CNOT9: variants seen among roughly 807,000 people sequenced by gnomAD.
CNOT9 encodes the protein RCD1 required for cell differentiation1 homolog.
CNOT9 carries 8 observed loss-of-function variants against 37.4 expected under a neutral mutation model. That is an observed-to-expected ratio of 0.21 (90% confidence interval 0.13 to 0.39). The LOEUF (loss-of-function observed/expected upper bound fraction) is 0.39, where lower values mean the gene tolerates loss of function less well. CNOT9 is among the 10% of genes least tolerant of loss of function. The probability of loss-of-function intolerance (pLI) is 1.00; values close to 1 mark genes in which losing one functional copy is unlikely to be tolerated. For missense variants in CNOT9, 154 were observed against 365.3 expected (o/e 0.42, Z 4.71); for synonymous variants, 120 against 137.6 (o/e 0.87, Z 0.90).
chr2:218,572,390 C>G (rs1694029525), intron 1 of CNOT9, among the ~76,000 whole-genome samples: 1 of 151,922 alleles, frequency 6.6e-6, no homozygotes, highest in Non-Finnish European at 1.5e-5. Flanking sequence ...TGATATGTGA[C>G]TTGTTCCCAG....
At chr2:218,570,477 G>A (rs566190591) in intron 1 of CNOT9, among the ~76,000 whole-genome samples, 2 of 152,190 alleles carry the variant, frequency 1.3e-5, no homozygotes, top group Non-Finnish European at 2.9e-5. Context: ...ACTATTCAAT[G>A]TAGAGAGTAT....
chr2:218,574,249 T>A lies in CNOT9; in HGVS notation c.24+5271T>A. The A allele has an allele frequency of 2.3e-5, 5 of 213,512 alleles. No homozygotes were observed. The South Asian group carries it at 2.5e-4, about 11-fold the overall frequency. The allele number at this position is 213,512 out of a possible 1,614,324, so 13.2% of individuals were successfully genotyped here. A position where few individuals can be genotyped will look rare whatever the true frequency, so the allele number is the denominator to read the frequency against. ...GGGATTACAGGTGTGAACCTGTCTC[T>A]GTGCCTGGCCAGGACTGTTGACTTT... is the stretch of plus-strand genomic sequence containing the variant. On this transcript the variant is annotated intron_variant, in intron 1 of 7. Coordinates refer to ENST00000273064, the MANE Select transcript of CNOT9 (RefSeq NM_005444.3).
intron 1 of CNOT9, among the ~76,000 whole-genome samples, chr2:218,578,951 A>G (rs1694272132): frequency 6.6e-6 from 1 of 152,190 alleles, no homozygotes; most frequent in African/African-American, 2.4e-5. Context: ...TATTTCCTAC[A>G]TGAGTAAGTA....
In CNOT9 at chr2:218,592,718, A is replaced by G. The variant is rs754920360; in HGVS notation, c.731+11A>G. 6.3e-7 allele frequency: 1 copy of G among 1,593,816 alleles called. No individual in the cohort carries two copies. Among genetic ancestry groups the G allele is most frequent in the Non-Finnish European group, 8.6e-7 (1 of 1,161,358 alleles). On this transcript the variant is annotated intron_variant, in intron 7 of 7. Coordinates refer to ENST00000273064, the MANE Select transcript of CNOT9 (RefSeq NM_005444.3). This position sits in a 1 kb window ranked among gnomAD's most constrained non-coding sequence, Gnocchi z 4.1. ...TTCAGATAACCCCAGGTAAACATTT[A>G]TAGGATGTATAGGACTTTAGGGAAA...
intron 5 of CNOT9, among the ~76,000 whole-genome samples, chr2:218,589,727 T>C (rs1694712911): frequency 6.6e-6 from 1 of 152,218 alleles, no homozygotes. Context: ...ACTATAGCCT[T>C]GAACTCCGGG....
Position 218,594,264 on chromosome 2 carries a change from G to C in CNOT9, c.888G>C (p.Leu296=). 1 of 1,610,474 alleles carries C rather than the reference G, an allele frequency of 6.2e-7. No individual in the cohort carries two copies. The highest frequency in any genetic ancestry group is 8.5e-7 in the Non-Finnish European group (1 of 1,178,102). Residue 296 remains leucine, a synonymous_variant, in exon 8 of 8, where the codon CTG becomes CTC. Transcript: ENST00000273064. The part of the protein sequence containing the change: ...GQVTDPRGIP[L]PPQ ...TCACCGATCCCCGGGGTATCCCCCTGCCCCCTCAGTGATCCTTCCCTGTTC... is the reference window on the plus strand; with the variant it reads ...TCACCGATCCCCGGGGTATCCCCCTCCCCCCTCAGTGATCCTTCCCTGTTC...
intron 2 of CNOT9, chr2:218,581,156 TTTTG>T (rs1001828947): frequency 5.4e-5 from 16 of 296,112 alleles, no homozygotes; most frequent in African/African-American, 1.4e-4. Flanking sequence ...TTTTGGGTTT[TTTTG>T]TTTGTTTTTC....
intron 2 of CNOT9, among the ~76,000 whole-genome samples, chr2:218,582,744 A>C (rs1377543653): frequency 6.6e-6 from 1 of 152,130 alleles, no homozygotes; most frequent in Non-Finnish European, 1.5e-5. Context: ...CAAAAAAAAA[A>C]ATCTTCCTAG....
Position 218,583,225 on chromosome 2 carries a change from GTGTGTGTGTCTCTCTCTCTCTCTCTC to G in CNOT9, c.320+141_320+166del, listed in dbSNP as rs1295942103. ...TGTGTGTGTGTGTGTGTGTGTGTGT[GTGTGTGTGTCTCTCTCTCTCTCTCTC>G]TCTCTCTCTCTCTCTCTCTCTCTCT... On this transcript the variant is annotated intron_variant, in intron 3 of 7. Transcript: ENST00000273064. 2.4e-4 allele frequency: 78 copies of G among 322,802 alleles called. 1 individual carries two copies. Among genetic ancestry groups the G allele is most frequent in the Middle Eastern group, 1.6e-3 (3 of 1,894 alleles). 20.0% of individuals were successfully genotyped at this position (322,802 alleles called of 1,614,324 possible).
At chr2:218,578,916 A>G (rs565111951) in intron 1 of CNOT9, among the ~76,000 whole-genome samples, 24 of 152,368 alleles carry the variant, frequency 1.6e-4, no homozygotes, top group African/African-American at 5.5e-4. Flanking sequence ...TAGCATAATA[A>G]TGAAAGCATG....
intron 4 of CNOT9, among the ~76,000 whole-genome samples, chr2:218,587,145 T>TC (rs1448348643): frequency 1.3e-5 from 2 of 152,100 alleles, no homozygotes; most frequent in African/African-American, 4.8e-5. Context: ...CAGAAAGCTT[T>TC]TTTTTTTAGA....
At chr2:218,572,596 A>G (rs1420560301) in intron 1 of CNOT9, 3 of 746,542 alleles carry the variant, frequency 4.0e-6, no homozygotes, top group East Asian at 1.3e-4. Flanking sequence ...ATGCTACCGC[A>G]CTTCAGCTTA....
intron 7 of CNOT9, chr2:218,593,624 TG>T: frequency 7.0e-7 from 1 of 1,430,940 alleles, no homozygotes; most frequent in Non-Finnish European, 9.2e-7. Context: ...TTGTTTTCAC[TG>T]CTCATCTCTT....
intron 7 of CNOT9, chr2:218,593,496 C>T (rs1198798775): frequency 7.5e-7 from 1 of 1,327,626 alleles, no homozygotes; most frequent in Non-Finnish European, 1.0e-6. Flanking sequence ...TTTAAAATAG[C>T]TCTACACATA....
chr2:218,584,609 C>T lies in CNOT9; in HGVS notation c.321-3C>T. 4 of 1,606,368 alleles carry T rather than the reference C, an allele frequency of 2.5e-6. No homozygotes were observed. The highest frequency in any genetic ancestry group is 2.6e-6 in the Non-Finnish European group (3 of 1,173,030). On this transcript the variant is annotated splice_polypyrimidine_tract_variant and splice_region_variant and intron_variant, in intron 3 of 7. Coordinates refer to ENST00000273064, the MANE Select transcript of CNOT9 (RefSeq NM_005444.3). ...TGTGAATGTAATTATTGTTTTCTTC[C>T]AGGTCAGCGTTTCTCGCAGCACACA...
Position 218,592,987 on chromosome 2 carries a change from G to T in CNOT9, c.731+280G>T, listed in dbSNP as rs1024193816. The T allele has an allele frequency of 1.5e-5, 6 of 403,484 alleles. No homozygotes were observed. Among genetic ancestry groups the T allele is most frequent in the Non-Finnish European group, 2.2e-5 (5 of 225,814 alleles). The allele number at this position is 403,484 out of a possible 1,614,324, so 25.0% of individuals were successfully genotyped here. On this transcript the variant is annotated intron_variant, in intron 7 of 7. Coordinates refer to ENST00000273064, the MANE Select transcript of CNOT9 (RefSeq NM_005444.3). This position sits in a 1 kb window ranked among gnomAD's most constrained non-coding sequence, Gnocchi z 4.1. ...TTATGATGCATTACTCCTGTTGTTT[G>T]AATTTTCTGTTGCTACTCTACGTGG...
intron 1 of CNOT9, chr2:218,573,895 C>T (rs942246559): frequency 5.1e-5 from 15 of 295,700 alleles, no homozygotes; most frequent in Non-Finnish European, 1.0e-4. Flanking sequence ...GGGAGAGTTA[C>T]CACCTAAATT....
intron 2 of CNOT9, 124 bp from the exon 3 acceptor site, chr2:218,582,847 A>T: frequency 3.2e-6 from 2 of 622,430 alleles, no homozygotes; most frequent in Non-Finnish European, 5.7e-6. Context: ...TTGATGACTG[A>T]GTTCTTAAAA....
intron 1 of CNOT9, among the ~76,000 whole-genome samples, chr2:218,577,013 C>T (rs1694192602): frequency 6.6e-6 from 1 of 151,306 alleles, no homozygotes; most frequent in Non-Finnish European, 1.5e-5. Context: ...GTCTTTCAGG[C>T]AGATGAGAAG....
Sources: gnomAD v4.1 joint callset for allele counts (sites outside exome capture counted in the v4.1 genomes callset) on GRCh38, gnomAD v4.1.1 for gene constraint, Gnocchi (gnomAD v3.1) non-coding constraint, MANE v1.5 for transcripts, NCBI Gene and HGNC (gene_info 2026-07-23, HGNC 2026-07-21) for gene names.